RHOQ: variants seen among roughly 807,000 people sequenced by gnomAD.
RHOQ encodes ras homolog family member Q, also known as rho-related GTP-binding protein RhoQ.
Under a neutral mutation model 25.8 loss-of-function variants are expected in RHOQ, and 7 were observed. That is an observed-to-expected ratio of 0.27 (90% confidence interval 0.15 to 0.51). The LOEUF (loss-of-function observed/expected upper bound fraction) is 0.51, where lower values mean the gene tolerates loss of function less well. Ranked by LOEUF, RHOQ falls within the 20% of genes least tolerant of loss-of-function variation. The pLI, the probability that RHOQ is intolerant of heterozygous loss-of-function variation, is 0.97. For synonymous variants in RHOQ, 97 were observed against 98.6 expected, an observed-to-expected ratio of 0.98 and a Z score of 0.10; for missense variants, 165 against 260.6, an observed-to-expected ratio of 0.63 and a Z score of 2.53.
intron 2 of RHOQ, among the ~76,000 whole-genome samples, chr2:46,545,079 G>A (rs1668002646): frequency 6.6e-6 from 1 of 152,190 alleles, no homozygotes; most frequent in African/African-American, 2.4e-5. Flanking sequence ...ATAGAGAACT[G>A]CTGGCAGTTC....
At chr2:46,549,181 T>C (rs887162078) in intron 2 of RHOQ, among the ~76,000 whole-genome samples, 1 of 152,168 alleles carries the variant, frequency 6.6e-6, no homozygotes, top group African/African-American at 2.4e-5. Context: ...TCCCCGCAGG[T>C]ATCTCAAGCA....
chr2:46,551,142 A>G (rs573089374), intron 2 of RHOQ, among the ~76,000 whole-genome samples: 3 of 152,266 alleles, frequency 2.0e-5, no homozygotes, highest in African/African-American at 4.8e-5. Flanking sequence ...TATCTGTCAG[A>G]TGGAGATTAT....
chr2:46,559,717 C>G (rs1668511981), intron 2 of RHOQ, among the ~76,000 whole-genome samples: 1 of 152,192 alleles, frequency 6.6e-6, no homozygotes, highest in Admixed American at 6.5e-5. Flanking sequence ...ACCCCACCCC[C>G]AGTTGAGAAC....
chr2:46,559,099 G>A (rs191994994), intron 2 of RHOQ, among the ~76,000 whole-genome samples: 1 of 152,074 alleles, frequency 6.6e-6, no homozygotes, highest in African/African-American at 2.4e-5. Flanking sequence ...GACTATAGCT[G>A]CATGCCACCA....
Position 46,576,605 on chromosome 2 carries a change from T to C in RHOQ, c.411T>C (p.Asp137=), listed in dbSNP as rs748701592. 2 of 1,611,286 alleles carry C rather than the reference T, an allele frequency of 1.2e-6. No individual in the cohort carries two copies. Among genetic ancestry groups the C allele is most frequent in the Non-Finnish European group, 1.7e-6 (2 of 1,178,526 alleles). ...DDPKTLARLN[D]MKEKPICVEQ... ...CCAAAACTTTAGCAAGACTGAATGA[T>C]ATGAAAGAAAAACCTATATGTGTGG... Residue 137 remains aspartate (D), a synonymous_variant, in exon 4 of 5, where the codon GAT becomes GAC. Coordinates refer to ENST00000238738, the MANE Select transcript of RHOQ (RefSeq NM_012249.4). This position sits in a 1 kb window ranked among gnomAD's most constrained non-coding sequence, Gnocchi z 5.1.
intron 2 of RHOQ, among the ~76,000 whole-genome samples, chr2:46,551,800 C>G (rs529796533): frequency 2.6e-5 from 4 of 152,308 alleles, no homozygotes; most frequent in Non-Finnish European, 2.9e-5. Context: ...GCAGGCTCAT[C>G]ATCAAATGAC....
At chr2:46,559,336 G>C (rs1232291213) in intron 2 of RHOQ, among the ~76,000 whole-genome samples, 1 of 152,138 alleles carries the variant, frequency 6.6e-6, no homozygotes, top group Non-Finnish European at 1.5e-5. Context: ...ATTTCTCTGA[G>C]GATATTAATG....
intron 2 of RHOQ, among the ~76,000 whole-genome samples, chr2:46,557,597 T>C (rs1204100410): frequency 1.3e-5 from 2 of 152,156 alleles, no homozygotes; most frequent in Non-Finnish European, 2.9e-5. Flanking sequence ...AGAAATTTAC[T>C]TCTTTATACT....
Position 46,548,610 on chromosome 2 carries a change from C to A in RHOQ, c.201+4798C>A, listed in dbSNP as rs564524432. ...GTTTAGGAAATGCCACTCACAACAT[C>A]AGACTCTGGGTCCTTGTAGCCCCGT... On this transcript the variant is annotated intron_variant, in intron 2 of 4. Transcript: ENST00000238738. The surrounding 1 kb of genome is among the most constrained non-coding windows in gnomAD (Gnocchi z 5.2). Among the ~76,000 whole-genome samples the A allele has an allele frequency of 5.9e-5, 9 of 152,154 alleles. No homozygotes were observed. The highest frequency in any genetic ancestry group is 1.0e-4 in the Non-Finnish European group (7 of 68,038).
chr2:46,559,561 G>C (rs1420613070), intron 2 of RHOQ, among the ~76,000 whole-genome samples: 1 of 152,054 alleles, frequency 6.6e-6, no homozygotes, highest in Non-Finnish European at 1.5e-5. Flanking sequence ...GTTGTGGGGG[G>C]GCTGTCTTGT....
chr2:46,543,226 G>T (rs778504224), intron 1 of RHOQ, 38 bp downstream of exon 1: 1 of 1,608,542 alleles, frequency 6.2e-7, no homozygotes, highest in Non-Finnish European at 8.5e-7. Context: ...GCCGCTCCCC[G>T]GGCCGGGAAC....
chr2:46,579,063 CT>C (rs1669246652), intron 4 of RHOQ, among the ~76,000 whole-genome samples: 1 of 152,138 alleles, frequency 6.6e-6, no homozygotes, highest in Non-Finnish European at 1.5e-5. Flanking sequence ...TTCCCTGCAT[CT>C]ATTAAAACTT....
rs1030954541 is a variant in RHOQ, at chr2:46,566,653, T to G, written c.202-9434T>G. 6.6e-6 allele frequency among the ~76,000 whole-genome samples: 1 copy of G among 152,178 alleles called. No individual in the cohort carries two copies. The highest frequency in any genetic ancestry group is 1.5e-5 in the Non-Finnish European group (1 of 68,022). On this transcript the variant is annotated intron_variant, in intron 2 of 4. Transcript: ENST00000238738. This position sits in a 1 kb window ranked among gnomAD's most constrained non-coding sequence, Gnocchi z 4.2. ...TCGGGGGCTCACCTTTTAATGACTT[T>G]CCATTGCAGGTGGGCCCTGCAGAGG...
intron 2 of RHOQ, among the ~76,000 whole-genome samples, chr2:46,562,176 C>T (rs1572745349): frequency 6.6e-6 from 1 of 151,968 alleles, no homozygotes; most frequent in African/African-American, 2.4e-5. Context: ...AGGGTCTATA[C>T]CTCTAAGTTT....
At chr2:46,580,900 T>C in intron 4 of RHOQ, 28 bp from the exon 5 acceptor site, 1 of 1,445,902 alleles carries the variant, frequency 6.9e-7, no homozygotes, top group African/African-American at 1.5e-5. Flanking sequence ...TGATCTTATA[T>C]ATTTGTGATT....
At chr2:46,567,370 G>A (rs570384937) in intron 2 of RHOQ, among the ~76,000 whole-genome samples, 1 of 151,846 alleles carries the variant, frequency 6.6e-6, no homozygotes, top group African/African-American at 2.4e-5. Flanking sequence ...AGTAAATCCT[G>A]TGATGTTTGT....
In RHOQ at chr2:46,566,344, G is replaced by A. The variant is rs1012146728; in HGVS notation, c.202-9743G>A. On this transcript the variant is annotated intron_variant, in intron 2 of 4. Transcript: ENST00000238738. This position sits in a 1 kb window ranked among gnomAD's most constrained non-coding sequence, Gnocchi z 4.2. Reference sequence around the variant, plus strand: ...CTGCTTGACATCTCAAGCTTAACACGTCCCAAACTGTCCTCTTGAGTTCTC... The same window carrying A: ...CTGCTTGACATCTCAAGCTTAACACATCCCAAACTGTCCTCTTGAGTTCTC... 5.3e-5 allele frequency among the ~76,000 whole-genome samples: 8 copies of A among 152,032 alleles called. No individual in the cohort carries two copies. The highest frequency in any genetic ancestry group is 1.0e-4 in the Non-Finnish European group (7 of 68,014).
At chr2:46,572,105 GTGTTT>G (rs1668937030) in intron 2 of RHOQ, among the ~76,000 whole-genome samples, 2 of 91,034 alleles carry the variant, frequency 2.2e-5, no homozygotes, top group African/African-American at 1.4e-4. Context: ...TGGTAAGTGT[GTGTTT>G]TTTTTTTTTT....
At chr2:46,561,923 C>T (rs1321384562) in intron 2 of RHOQ, among the ~76,000 whole-genome samples, 3 of 152,238 alleles carry the variant, frequency 2.0e-5, no homozygotes, top group Non-Finnish European at 4.4e-5. Context: ...GGGCCAGGCC[C>T]TCTGACTCCA....
Sources: allele counts gnomAD v4.1 joint callset (sites outside exome capture counted in the v4.1 genomes callset), GRCh38; gene constraint gnomAD v4.1.1; non-coding constraint Gnocchi (gnomAD v3.1); transcripts MANE v1.5; gene names NCBI Gene and HGNC (gene_info 2026-07-23, HGNC 2026-07-21).